The following ANKRD44 variants were observed in gnomAD, a reference collection of about 807,000 sequenced individuals.
The protein encoded by ANKRD44 is serine/threonine-protein phosphatase 6 regulatory ankyrin repeat subunit B.
ANKRD44 carries 35 observed loss-of-function variants against 116.0 expected under a neutral mutation model. The observed-to-expected ratio is 0.30, with a 90% CI of 0.23 to 0.40. The LOEUF is 0.40. Among genes scored for constraint, ANKRD44 ranks in the 10% least tolerant of loss-of-function variants. The pLI is 1.00. For missense variants in ANKRD44, 1,014 were observed against 1,242.6 expected (o/e 0.82, Z 2.77); for synonymous variants, 435 against 461.8 (o/e 0.94, Z 0.74).
At chr2:197,121,148 T>C (rs1029027230) in intron 8 of ANKRD44, among the ~76,000 whole-genome samples, 184 bp downstream of exon 8, 1 of 152,104 alleles carries the variant, frequency 6.6e-6, no homozygotes, top group Non-Finnish European at 1.5e-5. Context: ...AGGCTGGTCT[T>C]GAACTCCTAA....
At chr2:197,066,871 T>C (rs1371701013) in intron 16 of ANKRD44, among the ~76,000 whole-genome samples, 4 of 152,124 alleles carry the variant, frequency 2.6e-5, no homozygotes, top group African/African-American at 7.2e-5. Context: ...AGGTAATTTA[T>C]AGATTCAATG....
chr2:197,068,634 CA>C (rs2125086899), intron 16 of ANKRD44, among the ~76,000 whole-genome samples: 1 of 152,144 alleles, frequency 6.6e-6, no homozygotes, highest in South Asian at 2.1e-4. Context: ...ACAACCCCAT[CA>C]AAAAGTGGGC....
chr2:196,998,464 T>A, intron 24 of ANKRD44, 45 bp from the exon 25 acceptor site: 1 of 1,372,692 alleles, frequency 7.3e-7, no homozygotes, highest in Non-Finnish European at 1.0e-6. Flanking sequence ...GAGATGCTAA[T>A]TACATGCATT....
chr2:197,041,200 A>G (rs2076904554), intron 16 of ANKRD44, among the ~76,000 whole-genome samples: 1 of 152,204 alleles, frequency 6.6e-6, no homozygotes, highest in Admixed American at 6.5e-5. Flanking sequence ...ATGTCCCAAG[A>G]GCAGAAAATC....
intron 4 of ANKRD44, among the ~76,000 whole-genome samples, chr2:197,130,781 T>A (rs1450277869): frequency 6.6e-6 from 1 of 152,214 alleles, no homozygotes; most frequent in East Asian, 1.9e-4. Context: ...CCCACAATAA[T>A]GATCATGTTT....
chr2:197,051,428 C>T (rs935833888), intron 16 of ANKRD44, among the ~76,000 whole-genome samples: 1 of 152,120 alleles, frequency 6.6e-6, no homozygotes, highest in Non-Finnish European at 1.5e-5. Context: ...GGGTCTTGTT[C>T]TGTCACCCAG....
rs1239187221 is a variant in ANKRD44, at chr2:197,201,487, CAT to C, written c.28-14383_28-14382del. Among the ~76,000 whole-genome samples the C allele has an allele frequency of 6.6e-6, 1 of 152,174 alleles. No homozygotes were observed. Among genetic ancestry groups the C allele is most frequent in the African/African-American group, 2.4e-5 (1 of 41,428 alleles). The stretch of plus-strand genomic sequence containing the variant: ...CTTTGGCCTCCTCTGGCCCAACTGA[CAT>C]AACTGAGGTTGGTTCCTTTCCTGGT... On this transcript the variant is annotated intron_variant, in intron 1 of 27. Coordinates refer to ENST00000282272, the MANE Select transcript of ANKRD44 (RefSeq NM_001195144.2). This position sits in a 1 kb window ranked among gnomAD's most constrained non-coding sequence, Gnocchi z 4.0.
chr2:197,045,716 T>C (rs1274163579), intron 16 of ANKRD44, among the ~76,000 whole-genome samples: 1 of 152,184 alleles, frequency 6.6e-6, no homozygotes, highest in East Asian at 1.9e-4. Context: ...TGCTGACAAA[T>C]GTTTTCTTTT....
chr2:197,097,960 G>T (rs914423736), intron 10 of ANKRD44, among the ~76,000 whole-genome samples: 1 of 152,154 alleles, frequency 6.6e-6, no homozygotes, highest in Non-Finnish European at 1.5e-5. Context: ...CTTTAGAAAT[G>T]TGCTTTTAAC....
Position 197,258,386 on chromosome 2 carries a change from G to A in ANKRD44, c.27+52192C>T, listed in dbSNP as rs183003251. Reference sequence around the variant, plus strand: ...GATCCACCCACCTTGGCCTCCTGAAGTGCTGGGATTACTTTGGGAATTCTT... The same window carrying A: ...GATCCACCCACCTTGGCCTCCTGAAATGCTGGGATTACTTTGGGAATTCTT... On this transcript the variant is annotated intron_variant, in intron 1 of 27. Transcript: ENST00000282272. Among the ~76,000 whole-genome samples the A allele has an allele frequency of 4.9e-3, 733 of 148,510 alleles. 9 individuals carry two copies. Among genetic ancestry groups the A allele is most frequent in the African/African-American group, 0.018 (711 of 40,078 alleles).
At chr2:197,030,722 A>G (rs1008284487) in intron 16 of ANKRD44, among the ~76,000 whole-genome samples, 1 of 143,410 alleles carries the variant, frequency 7.0e-6, no homozygotes, top group Admixed American at 6.6e-5. Context: ...TTTTAAAAAT[A>G]AAACTTTTTT....
Position 197,201,552 on chromosome 2 carries a change from C to T in ANKRD44, c.28-14446G>A, listed in dbSNP as rs73988407. On this transcript the variant is annotated intron_variant, in intron 1 of 27. Coordinates refer to ENST00000282272, the MANE Select transcript of ANKRD44 (RefSeq NM_001195144.2). This position sits in a 1 kb window ranked among gnomAD's most constrained non-coding sequence, Gnocchi z 4.0. ...CTCTCCTCACCAACAATCCCCCTGA[C>T]GTTGGCTCTGAATGATGTGGAGACC... Among the ~76,000 whole-genome samples the T allele has an allele frequency of 0.065, 9,913 of 152,208 alleles. 1,084 individuals are homozygous for T. Among genetic ancestry groups the T allele is most frequent in the African/African-American group, 0.22 (9,258 of 41,496 alleles).
chr2:197,133,813 G>C (rs955014942), intron 4 of ANKRD44, among the ~76,000 whole-genome samples: 1 of 152,116 alleles, frequency 6.6e-6, no homozygotes, highest in African/African-American at 2.4e-5. Context: ...TTCCAAAGAA[G>C]AAGGAAATCT....
chr2:197,086,564 T>C (rs1433352370), intron 13 of ANKRD44, 116 bp downstream of exon 13: 6 of 909,876 alleles, frequency 6.6e-6, no homozygotes, highest in East Asian at 5.2e-5. Context: ...CCGAGGAGGA[T>C]GGAATCCCCC....
At chr2:197,031,711 T>C (rs953396079) in intron 16 of ANKRD44, among the ~76,000 whole-genome samples, 9 of 152,210 alleles carry the variant, frequency 5.9e-5, no homozygotes, top group Non-Finnish European at 2.9e-5. Flanking sequence ...CCTAAAAGCA[T>C]GTAATTTCAA....
In ANKRD44 at chr2:197,154,072, T is replaced by A. The variant is rs576400062; in HGVS notation, c.112-6967A>T. 1.1e-4 allele frequency among the ~76,000 whole-genome samples: 17 copies of A among 152,232 alleles called. No homozygotes were observed. The East Asian group carries it at 2.3e-3, about 21-fold the overall frequency. On this transcript the variant is annotated intron_variant, in intron 2 of 27. Coordinates refer to ENST00000282272, the MANE Select transcript of ANKRD44 (RefSeq NM_001195144.2). ...TTCAATTGTATTAGGTATCCCTAAA[T>A]AACTTCCAAAGTATTAATAGTTTTA... is the stretch of plus-strand genomic sequence containing the variant.
intron 1 of ANKRD44, among the ~76,000 whole-genome samples, chr2:197,204,840 A>G (rs2081171125): frequency 6.6e-6 from 1 of 152,214 alleles, no homozygotes; most frequent in Admixed American, 6.5e-5. Context: ...CTGAAAAATG[A>G]CTATGTGGAA....
chr2:197,160,301 A>G (rs2079928475), intron 2 of ANKRD44, among the ~76,000 whole-genome samples: 2 of 152,338 alleles, frequency 1.3e-5, no homozygotes, highest in East Asian at 3.9e-4. Flanking sequence ...ACTATTATCA[A>G]TGACATCTCT....
intron 1 of ANKRD44, among the ~76,000 whole-genome samples, chr2:197,197,158 T>C (rs1013454793): frequency 2.6e-5 from 4 of 152,152 alleles, no homozygotes; most frequent in Non-Finnish European, 4.4e-5. Flanking sequence ...CCCCTCAGTG[T>C]AGTCTTTCAG....
Sources: gnomAD v4.1 joint callset for allele counts (sites outside exome capture counted in the v4.1 genomes callset) on GRCh38, gnomAD v4.1.1 for gene constraint, Gnocchi (gnomAD v3.1) non-coding constraint, MANE v1.5 for transcripts, NCBI Gene and HGNC (gene_info 2026-07-23, HGNC 2026-07-21) for gene names.